The following TMEM156 variants were observed in gnomAD, a reference collection of about 807,000 sequenced individuals.
TMEM156 encodes the protein transmembrane protein 156.
A neutral mutation model predicts 30.5 loss-of-function variants in TMEM156; 28 were observed. The ratio of observed to expected loss-of-function variants is 0.92; its 90% CI spans 0.68 to 1.26. TMEM156 has a LOEUF of 1.26. TMEM156 is among the 50% of genes most tolerant of loss of function. TMEM156 has a pLI of 0.00. For synonymous variants in TMEM156, 137 were observed against 119.9 expected, an observed-to-expected ratio of 1.14 and a Z score of -0.93; for missense variants, 351 against 340.6, an observed-to-expected ratio of 1.03 and a Z score of -0.24.
intron 1 of TMEM156, 54 bp from the exon 2 acceptor site, chr4:38,998,963 C>T: frequency 6.6e-7 from 1 of 1,514,036 alleles, no homozygotes. Flanking sequence ...GAGTTTTTGG[C>T]ATTCAAATAA....
chr4:39,005,712 G>A lies in TMEM156; in HGVS notation c.89-6803C>T, dbSNP rs368275431. On this transcript the variant is annotated intron_variant, in intron 1 of 6. Coordinates refer to ENST00000381938, the MANE Select transcript of TMEM156 (RefSeq NM_024943.3). ...TTAAAGTAGGAGCATTTTGCTGTAC[G>A]TAAATTATATGTCTGTGAAGTTGAT... Among the ~76,000 whole-genome samples, 232 of 152,250 alleles carry A rather than the reference G, an allele frequency of 1.5e-3. 1 individual carries two copies. The highest frequency in any genetic ancestry group is 5.4e-3 in the African/African-American group (225 of 41,548).
chr4:38,984,388 A>C (rs926087575), intron 5 of TMEM156, among the ~76,000 whole-genome samples: 2 of 141,488 alleles, frequency 1.4e-5, no homozygotes, highest in African/African-American at 5.2e-5. Flanking sequence ...TGTGTGTTGA[A>C]CAATACTCAC....
chr4:38,987,212 G>T (rs1433214867), intron 4 of TMEM156, among the ~76,000 whole-genome samples: 1 of 152,070 alleles, frequency 6.6e-6, no homozygotes, highest in Non-Finnish European at 1.5e-5. Flanking sequence ...TTAAATAATA[G>T]AATTTTCAAA....
chr4:38,990,255 A>AT (rs1340023606), intron 3 of TMEM156, among the ~76,000 whole-genome samples: 2 of 152,232 alleles, frequency 1.3e-5, no homozygotes, highest in African/African-American at 4.8e-5. Context: ...ACAGGAACCC[A>AT]GATGTACACT....
At chr4:38,988,331 C>T (rs1323698155) in intron 4 of TMEM156, among the ~76,000 whole-genome samples, 8 of 152,200 alleles carry the variant, frequency 5.3e-5, no homozygotes, top group Admixed American at 2.6e-4. Flanking sequence ...TCAAGTGATT[C>T]TTGTGCCTCA....
chr4:38,993,355 C>T (rs989231873), intron 3 of TMEM156, among the ~76,000 whole-genome samples: 3 of 151,804 alleles, frequency 2.0e-5, no homozygotes, highest in South Asian at 2.1e-4. Context: ...CACCTGAGCC[C>T]GGGGAAGTCA....
chr4:38,974,113 G>A (rs1317274426), intron 5 of TMEM156, among the ~76,000 whole-genome samples: 1 of 151,496 alleles, frequency 6.6e-6, no homozygotes, highest in Non-Finnish European at 1.5e-5. Flanking sequence ...TTTAAACTGT[G>A]CTACTGGATT....
intron 1 of TMEM156, among the ~76,000 whole-genome samples, chr4:39,030,437 C>G (rs765578495): frequency 6.6e-6 from 1 of 152,160 alleles, no homozygotes; most frequent in Non-Finnish European, 1.5e-5. Context: ...TATAAGAGCT[C>G]TTTCTTCTAC....
chr4:39,008,184 G>A (rs1047924065), intron 1 of TMEM156, among the ~76,000 whole-genome samples: 1 of 152,048 alleles, frequency 6.6e-6, no homozygotes, highest in Non-Finnish European at 1.5e-5. Flanking sequence ...ATGAGAGTGG[G>A]CATTCTTGCT....
At chr4:39,002,484 C>T (rs966693173) in intron 1 of TMEM156, among the ~76,000 whole-genome samples, 3 of 130,560 alleles carry the variant, frequency 2.3e-5, no homozygotes, top group African/African-American at 7.9e-5. Flanking sequence ...GGCGATTCCT[C>T]AGGGATCTAG....
chr4:38,968,334 C>T (rs1316202703), intron 6 of TMEM156, among the ~76,000 whole-genome samples: 1 of 152,204 alleles, frequency 6.6e-6, no homozygotes, highest in African/African-American at 2.4e-5. Context: ...TATTGAACAT[C>T]TAAACGCTAG....
rs71192811 is a variant in TMEM156, at chr4:39,013,373, GTTTATTTATTTATTTATTTA to G, written c.89-14484_89-14465del. On this transcript the variant is annotated intron_variant, in intron 1 of 6. Coordinates refer to ENST00000381938, the MANE Select transcript of TMEM156 (RefSeq NM_024943.3). Reference sequence around the variant, plus strand: ...AAAAAAGAGTAGTATGACATAATTGGTTTATTTATTTATTTATTTATTTATTTATTTATTTATTTATTTAT... The same window carrying G: ...AAAAAAGAGTAGTATGACATAATTGGTTTATTTATTTATTTATTTATTTAT... Among the ~76,000 whole-genome samples the G allele has an allele frequency of 8.9e-3, 1,253 of 141,288 alleles. 20 individuals carry two copies. The highest frequency in any genetic ancestry group is 0.03 in the African/African-American group (1,164 of 38,302). The allele number at this position is 141,288 out of a possible 152,430, so 92.7% of individuals were successfully genotyped here.
At chr4:39,031,141 T>G (rs1033699861) in intron 1 of TMEM156, among the ~76,000 whole-genome samples, 7 of 152,238 alleles carry the variant, frequency 4.6e-5, no homozygotes, top group Non-Finnish European at 8.8e-5. Context: ...TCTCTGATTT[T>G]AATCAAATTC....
chr4:38,982,826 A>G (rs900810772), intron 5 of TMEM156, among the ~76,000 whole-genome samples: 1 of 152,212 alleles, frequency 6.6e-6, no homozygotes, highest in Non-Finnish European at 1.5e-5. Flanking sequence ...TGAACTTTTC[A>G]CTGACCCACA....
In TMEM156 at chr4:38,999,358, C is replaced by A. The variant is rs548054617; in HGVS notation, c.89-449G>T. ...TTTCTCTTTTAAACCTGTGAACATT[C>A]CCTATTAACTTTCAGAGAAGAGGTG... On this transcript the variant is annotated intron_variant, in intron 1 of 6. Coordinates refer to ENST00000381938, the MANE Select transcript of TMEM156 (RefSeq NM_024943.3). 2.6e-5 allele frequency among the ~76,000 whole-genome samples: 4 copies of A among 152,150 alleles called. No individual in the cohort carries two copies. The South Asian group carries it at 8.3e-4, about 32-fold the overall frequency.
intron 5 of TMEM156, among the ~76,000 whole-genome samples, chr4:38,981,358 G>T (rs577066985): frequency 1.3e-5 from 2 of 152,086 alleles, no homozygotes; most frequent in Non-Finnish European, 1.5e-5. Context: ...ATTTTCTTTT[G>T]CTTCGTGTTC....
rs948155282 is a variant in TMEM156 at position 38,992,864 on chromosome 4, C to T, written c.619+874G>A. ...GTAACCTCCGCCTCCCGGATTCAAGCGATTCTCCTGCCTCAGCCTCACAAG... is the reference window on the plus strand; with the variant it reads ...GTAACCTCCGCCTCCCGGATTCAAGTGATTCTCCTGCCTCAGCCTCACAAG... On this transcript the variant is annotated intron_variant, in intron 3 of 6. Coordinates refer to ENST00000381938, the MANE Select transcript of TMEM156 (RefSeq NM_024943.3). Among the ~76,000 whole-genome samples, 6 of 149,886 alleles carry T rather than the reference C, an allele frequency of 4.0e-5. No individual in the cohort carries two copies. In the South Asian group the frequency reaches 8.4e-4, roughly 21 times the overall value.
At chr4:39,018,597 AT>A (rs1714656741) in intron 1 of TMEM156, among the ~76,000 whole-genome samples, 1 of 152,174 alleles carries the variant, frequency 6.6e-6, no homozygotes, top group Non-Finnish European at 1.5e-5. Flanking sequence ...GTCAACAAAA[AT>A]TTTGCCTCAG....
chr4:38,970,779 C>T (rs1220335857), intron 6 of TMEM156, among the ~76,000 whole-genome samples: 2 of 152,120 alleles, frequency 1.3e-5, no homozygotes, highest in Admixed American at 1.3e-4. Context: ...AAGGGATAAG[C>T]TATCATCTCA....
Sources: gnomAD v4.1 joint callset for allele counts (sites outside exome capture counted in the v4.1 genomes callset) on GRCh38, gnomAD v4.1.1 for gene constraint, MANE v1.5 for transcripts, NCBI Gene and HGNC (gene_info 2026-07-23, HGNC 2026-07-21) for gene names.